NSMCE2: variants seen among roughly 807,000 people sequenced by gnomAD.
The protein encoded by NSMCE2 is E3 SUMO-protein ligase NSE2.
NSMCE2 carries 24 observed loss-of-function variants against 23.8 expected under a neutral mutation model. The ratio of observed to expected loss-of-function variants is 1.01; its 90% CI spans 0.73 to 1.42. The LOEUF is 1.42. NSMCE2 is among the 40% of genes most tolerant of loss of function. The probability of loss-of-function intolerance (pLI) is 0.00; values close to 1 mark genes in which losing one functional copy is unlikely to be tolerated. For synonymous variants in NSMCE2, 92 were observed against 94.1 expected (o/e 0.98, Z 0.13); for missense variants, 284 against 296.5 (o/e 0.96, Z 0.31).
chr8:125,362,669 G>T lies in NSMCE2; in HGVS notation c.627-4099G>T, dbSNP rs776163094. 2.0e-5 allele frequency among the ~76,000 whole-genome samples: 3 copies of T among 152,356 alleles called. No homozygotes were observed. The Middle Eastern group carries it at 0.01, about 518-fold the overall frequency. ...CTTACCCAGAGTGACACAGCCAGGG[G>T]GTTTAAGCCCAGGTCTTTCTCATTC... On this transcript the variant is annotated intron_variant, in intron 7 of 7. Transcript: ENST00000287437.
intron 5 of NSMCE2, among the ~76,000 whole-genome samples, chr8:125,186,860 T>C (rs1823131819): frequency 6.6e-6 from 1 of 152,246 alleles, no homozygotes. Context: ...CATTTAGAGA[T>C]ACTGTTACTC....
chr8:125,259,534 C>G (rs1485184569), intron 5 of NSMCE2, among the ~76,000 whole-genome samples: 1 of 152,128 alleles, frequency 6.6e-6, no homozygotes, highest in Non-Finnish European at 1.5e-5. Context: ...CCCCACCACA[C>G]CCCAGTCTGT....
intron 5 of NSMCE2, among the ~76,000 whole-genome samples, chr8:125,311,966 G>A (rs1828987252): frequency 6.6e-6 from 1 of 151,704 alleles, no homozygotes; most frequent in African/African-American, 2.4e-5. Flanking sequence ...TACTCAGGAG[G>A]CTGAGGCAGG....
chr8:125,201,999 G>A (rs527575687), intron 5 of NSMCE2, among the ~76,000 whole-genome samples: 2 of 152,062 alleles, frequency 1.3e-5, no homozygotes, highest in Non-Finnish European at 1.5e-5. Flanking sequence ...GCAAGGCTCC[G>A]TCGGCATGGG....
At chr8:125,160,846 A>T (rs897142331) in intron 4 of NSMCE2, among the ~76,000 whole-genome samples, 1 of 152,180 alleles carries the variant, frequency 6.6e-6, no homozygotes, top group Non-Finnish European at 1.5e-5. Flanking sequence ...TGTTTATTAA[A>T]CTATCTTGCT....
Position 125,189,824 on chromosome 8 carries a change from T to C in NSMCE2, c.418+7568T>C, listed in dbSNP as rs561542920. On this transcript the variant is annotated intron_variant, in intron 5 of 7. Transcript: ENST00000287437. ...TATATAACCCTTTACAATGATATGT[T>C]GGCACAAACATATAGTATATACAGC... 1.7e-4 allele frequency among the ~76,000 whole-genome samples: 26 copies of C among 152,356 alleles called. No homozygotes were observed. The South Asian group carries it at 2.3e-3, about 13-fold the overall frequency.
At position 125,354,116 on chromosome 8, in the gene NSMCE2, G is replaced by C. The variant is rs534988801; in HGVS notation, c.419-3103G>C. Among the ~76,000 whole-genome samples, 218 of 151,842 alleles carry C rather than the reference G, an allele frequency of 1.4e-3. 2 individuals carry two copies. The highest frequency in any genetic ancestry group is 1.6e-3 in the Non-Finnish European group (107 of 67,962). On this transcript the variant is annotated intron_variant, in intron 5 of 7. Coordinates refer to ENST00000287437, the MANE Select transcript of NSMCE2 (RefSeq NM_173685.4). ...CCAGCTAATTTTTGTATTTTTAGTAGAGAAGGGGTTTCACCATGTTGGTTA... is the reference window on the plus strand; with the variant it reads ...CCAGCTAATTTTTGTATTTTTAGTACAGAAGGGGTTTCACCATGTTGGTTA...
At chr8:125,364,171 T>TGACC (rs2129674791) in intron 7 of NSMCE2, among the ~76,000 whole-genome samples, 1 of 152,222 alleles carries the variant, frequency 6.6e-6, no homozygotes, top group East Asian at 1.9e-4. Flanking sequence ...CTCAAACTCC[T>TGACC]GACCTCATGT....
intron 5 of NSMCE2, among the ~76,000 whole-genome samples, chr8:125,219,019 G>A (rs965263076): frequency 6.6e-6 from 1 of 151,988 alleles, no homozygotes; most frequent in Non-Finnish European, 1.5e-5. Context: ...GTCCCCTGTG[G>A]TTACATTATC....
At chr8:125,194,269 G>A (rs1244891610) in intron 5 of NSMCE2, among the ~76,000 whole-genome samples, 2 of 151,968 alleles carry the variant, frequency 1.3e-5, no homozygotes, top group African/African-American at 2.4e-5. Context: ...CCCATTCCCA[G>A]CCCCTGGCAA....
At chr8:125,121,057 TC>T (rs1487891096) in intron 3 of NSMCE2, among the ~76,000 whole-genome samples, 1 of 152,250 alleles carries the variant, frequency 6.6e-6, no homozygotes, top group Non-Finnish European at 1.5e-5. Context: ...TTGGAAGGCA[TC>T]TTTTATTAAC....
rs1043940300 is a variant in NSMCE2 at position 125,124,094 on chromosome 8, T to A, written c.157+21607T>A. The A allele has an allele frequency of 2.6e-5, 4 of 152,368 alleles. No individual in the cohort carries two copies. In the South Asian group the frequency reaches 6.2e-4, roughly 24 times the overall value. The allele number at this position is 152,368 out of a possible 1,614,324, so 9.4% of individuals were successfully genotyped here. A position where few individuals can be genotyped will look rare whatever the true frequency, so the allele number is the denominator to read the frequency against. On this transcript the variant is annotated intron_variant, in intron 3 of 7. Coordinates refer to ENST00000287437, the MANE Select transcript of NSMCE2 (RefSeq NM_173685.4). ...CCTAAGGAGCCACTATTCTACTTTC[T>A]GTCTCTATAGATTTGCCTATTTCCA...
chr8:125,203,667 C>T (rs1823986172), intron 5 of NSMCE2, among the ~76,000 whole-genome samples: 1 of 152,092 alleles, frequency 6.6e-6, no homozygotes, highest in Non-Finnish European at 1.5e-5. Context: ...ATTCAGAGCA[C>T]TGCTAGTCAC....
intron 5 of NSMCE2, among the ~76,000 whole-genome samples, chr8:125,326,750 G>C (rs1829679140): frequency 1.3e-5 from 2 of 151,798 alleles, no homozygotes; most frequent in African/African-American, 4.8e-5. Flanking sequence ...GAGGTCAGGA[G>C]TTTGAGACAG....
At chr8:125,147,200 GA>G (rs1563679274) in intron 3 of NSMCE2, among the ~76,000 whole-genome samples, 1 of 152,096 alleles carries the variant, frequency 6.6e-6, no homozygotes, top group African/African-American at 2.4e-5. Flanking sequence ...TTTTCCTATA[GA>G]AAAGTCACAC....
At chr8:125,102,717 A>G (rs372104968) in intron 3 of NSMCE2, among the ~76,000 whole-genome samples, 1 of 152,198 alleles carries the variant, frequency 6.6e-6, no homozygotes, top group Non-Finnish European at 1.5e-5. Context: ...CTAGAAATGT[A>G]TGGGCAAAGA....
At chr8:125,305,829 G>A (rs1828732864) in intron 5 of NSMCE2, among the ~76,000 whole-genome samples, 1 of 152,156 alleles carries the variant, frequency 6.6e-6, no homozygotes, top group South Asian at 2.1e-4. Flanking sequence ...AGAGTTCCCT[G>A]TTAGAGCTTG....
intron 5 of NSMCE2, among the ~76,000 whole-genome samples, chr8:125,275,576 A>G (rs182318984): frequency 2.2e-3 from 340 of 152,248 alleles, no homozygotes; most frequent in African/African-American, 7.7e-3. Flanking sequence ...GCCCAGCCAC[A>G]CTGGATAATC....
intron 5 of NSMCE2, among the ~76,000 whole-genome samples, chr8:125,189,317 T>C (rs998369195): frequency 6.6e-6 from 1 of 152,236 alleles, no homozygotes; most frequent in Non-Finnish European, 1.5e-5. Context: ...ATCCATTGGC[T>C]GGAGCTGAAC....
Sources: gnomAD v4.1 joint callset for allele counts (sites outside exome capture counted in the v4.1 genomes callset) on GRCh38, gnomAD v4.1.1 for gene constraint, MANE v1.5 for transcripts, NCBI Gene and HGNC (gene_info 2026-07-23, HGNC 2026-07-21) for gene names.